The following TNIK variants were observed in gnomAD, a reference collection of about 807,000 sequenced individuals.
The protein encoded by TNIK is TRAF2 and NCK interacting kinase.
In TNIK, 49 loss-of-function variants were observed where a neutral mutation model predicts 191.3. That is an observed-to-expected ratio of 0.26 (90% CI 0.20 to 0.32). The LOEUF is 0.32. TNIK is among the 10% of genes least tolerant of loss of function. The pLI is 1.00. For synonymous variants in TNIK, 594 were observed against 600.9 expected, an observed-to-expected ratio of 0.99 and a Z score of 0.17; for missense variants, 1,155 against 1,702.3, an observed-to-expected ratio of 0.68 and a Z score of 5.66.
intron 12 of TNIK, among the ~76,000 whole-genome samples, chr3:171,146,669 C>T (rs1231287564): frequency 6.6e-6 from 1 of 152,162 alleles, no homozygotes; most frequent in African/African-American, 2.4e-5. Context: ...GCGAGCGGAT[C>T]ACCTGAGGTC....
chr3:171,380,807 G>C (rs540151577), intron 1 of TNIK, among the ~76,000 whole-genome samples: 2 of 152,364 alleles, frequency 1.3e-5, no homozygotes, highest in African/African-American at 4.8e-5. Context: ...TCTATGAGTA[G>C]GGAAATATTG....
chr3:171,110,683 A>T (rs1314476770), intron 19 of TNIK, 31 bp downstream of exon 19: 2 of 1,552,166 alleles, frequency 1.3e-6, no homozygotes. Context: ...CCCAGGCAGT[A>T]TTGCCAGGTA....
intron 2 of TNIK, among the ~76,000 whole-genome samples, chr3:171,279,906 AATCT>A (rs1750227653): frequency 1.3e-5 from 2 of 152,154 alleles, no homozygotes; most frequent in Non-Finnish European, 2.9e-5. Context: ...ACTCCTTCAG[AATCT>A]ATCTTACTCC....
intron 21 of TNIK, among the ~76,000 whole-genome samples, chr3:171,106,128 C>A (rs1353995041): frequency 6.6e-6 from 1 of 152,156 alleles, no homozygotes; most frequent in Non-Finnish European, 1.5e-5. Context: ...TCGGTGAAGA[C>A]CAGATACATG....
chr3:171,109,645 A>G (rs1381584111), intron 19 of TNIK, among the ~76,000 whole-genome samples: 1 of 152,256 alleles, frequency 6.6e-6, no homozygotes, highest in East Asian at 1.9e-4. Flanking sequence ...AGAGAAACTT[A>G]TAAGTATGTT....
chr3:171,395,544 A>G (rs1401412489), intron 1 of TNIK, among the ~76,000 whole-genome samples: 2 of 152,232 alleles, frequency 1.3e-5, no homozygotes, highest in Admixed American at 1.3e-4. Context: ...GCACTCAAGA[A>G]GTACTAGGAA....
Position 171,068,860 on chromosome 3 carries a change from G to A in TNIK, c.3687C>T (p.Tyr1229=), listed in dbSNP as rs756003523. The A allele has an allele frequency of 3.1e-6, 5 of 1,613,498 alleles. No homozygotes were observed. The South Asian group carries it at 4.4e-5, about 14-fold the overall frequency. Residue 1229 remains tyrosine, a synonymous_variant, in exon 30 of 33, where the codon TAC becomes TAT. Transcript: ENST00000436636. Reference sequence around the variant, plus strand: ...TCTGAGTACTTACATGAGATGGTATGTAGATATCATAAGAGTTTCCTGAAT... The same window carrying A: ...TCTGAGTACTTACATGAGATGGTATATAGATATCATAAGAGTTTCCTGAAT... ...DVDSGNSYDI[Y]IPSHIQGNIT...
At chr3:171,417,657 G>A (rs942775662) in intron 1 of TNIK, among the ~76,000 whole-genome samples, 2 of 152,104 alleles carry the variant, frequency 1.3e-5, no homozygotes, top group African/African-American at 4.8e-5. Flanking sequence ...CAGGCTCTGA[G>A]ACAGTCACAT....
intron 30 of TNIK, among the ~76,000 whole-genome samples, chr3:171,067,044 A>G (rs931877108): frequency 3.3e-5 from 5 of 152,222 alleles, no homozygotes; most frequent in Admixed American, 6.5e-5. Context: ...CAAGGTAGAT[A>G]GCTTTGTTTA....
At chr3:171,154,685 T>C (rs534666419) in intron 12 of TNIK, among the ~76,000 whole-genome samples, 24 of 152,370 alleles carry the variant, frequency 1.6e-4, no homozygotes, top group African/African-American at 5.3e-4. Flanking sequence ...ATTTTGTTTA[T>C]GCCAAGTAAT....
chr3:171,141,130 C>G (rs919799606), intron 12 of TNIK, among the ~76,000 whole-genome samples: 8 of 152,178 alleles, frequency 5.3e-5, no homozygotes, highest in Non-Finnish European at 1.0e-4. Context: ...TGGGAGCCAT[C>G]ATCATCATCA....
intron 28 of TNIK, among the ~76,000 whole-genome samples, chr3:171,074,771 A>G (rs866800830): frequency 6.6e-6 from 1 of 152,202 alleles, no homozygotes; most frequent in South Asian, 2.1e-4. Context: ...TCGTGCTACA[A>G]GAAGATGTCA....
At chr3:171,336,448 A>T (rs1050279474) in intron 2 of TNIK, among the ~76,000 whole-genome samples, 4 of 152,144 alleles carry the variant, frequency 2.6e-5, no homozygotes, top group African/African-American at 9.7e-5. Flanking sequence ...ATATGCTGTT[A>T]TCTCTGTGCC....
intron 2 of TNIK, among the ~76,000 whole-genome samples, chr3:171,251,234 G>A (rs1431344910): frequency 2.0e-5 from 3 of 152,104 alleles, no homozygotes; most frequent in Non-Finnish European, 4.4e-5. Flanking sequence ...ACAGAGACCG[G>A]GACACAGATA....
chr3:171,209,829 A>C (rs1740572337), intron 4 of TNIK, among the ~76,000 whole-genome samples: 1 of 152,152 alleles, frequency 6.6e-6, no homozygotes, highest in African/African-American at 2.4e-5. Flanking sequence ...TTTATGAGCT[A>C]ACATTTTTAT....
chr3:171,376,874 T>A (rs1364772237), intron 1 of TNIK, among the ~76,000 whole-genome samples: 1 of 152,212 alleles, frequency 6.6e-6, no homozygotes, highest in African/African-American at 2.4e-5. Flanking sequence ...CAAATTAAAC[T>A]ATGCAAACCT....
At chr3:171,403,489 C>T (rs1721219655) in intron 1 of TNIK, among the ~76,000 whole-genome samples, 1 of 151,948 alleles carries the variant, frequency 6.6e-6, no homozygotes, top group Non-Finnish European at 1.5e-5. Flanking sequence ...TGGCACACGC[C>T]TGTAATCCCA....
At position 171,123,018 on chromosome 3, in the gene TNIK, C is replaced by T. The variant is rs546944805; in HGVS notation, c.2120+578G>A. On this transcript the variant is annotated intron_variant, in intron 18 of 32. Coordinates refer to ENST00000436636, the MANE Select transcript of TNIK (RefSeq NM_015028.4). ...GATAGGAAATTCTGGAAGGAGGACA[C>T]AGAGCAAGAGTGGAAGCATAACTGT... 4.6e-5 allele frequency among the ~76,000 whole-genome samples: 7 copies of T among 152,320 alleles called. No homozygotes were observed. The East Asian group carries it at 7.7e-4, about 17-fold the overall frequency.
At chr3:171,163,626 C>T in intron 10 of TNIK, among the ~76,000 whole-genome samples, 1 of 152,078 alleles carries the variant, frequency 6.6e-6, no homozygotes, top group East Asian at 1.9e-4. Context: ...TAATACTCCA[C>T]CCTAAAAATG....
Sources: gnomAD v4.1 joint callset for allele counts (sites outside exome capture counted in the v4.1 genomes callset) on GRCh38, gnomAD v4.1.1 for gene constraint, MANE v1.5 for transcripts, NCBI Gene and HGNC (gene_info 2026-07-23, HGNC 2026-07-21) for gene names.